COQ6: variants seen among roughly 807,000 people sequenced by gnomAD.
COQ6 encodes coenzyme Q6, monooxygenase, also known as ubiquinone biosynthesis monooxygenase COQ6, mitochondrial.
COQ6 carries 45 observed loss-of-function variants against 55.5 expected under a neutral mutation model. The ratio of observed to expected loss-of-function variants is 0.81; its 90% confidence interval spans 0.64 to 1.04. COQ6 has a LOEUF of 1.04. Ranked by LOEUF, COQ6 falls within the 50% of genes least tolerant of loss-of-function variation. The pLI is 0.00. For missense variants in COQ6, 550 were observed against 601.3 expected, an observed-to-expected ratio of 0.91 and a Z score of 0.89; for synonymous variants, 206 against 230.5, an observed-to-expected ratio of 0.89 and a Z score of 0.96.
Position 73,950,566 on chromosome 14 carries a change from C to G in COQ6, c.163+71C>G, listed in dbSNP as rs150409149. ...AGGCACGATGAGAGCCGTGAGAGCC[C>G]TAGCACGACTTGCCCAAAGACAATT... On this transcript the variant is annotated intron_variant, in intron 1 of 11. Transcript: ENST00000334571. 537 of 1,523,318 alleles carry G rather than the reference C, an allele frequency of 3.5e-4. 1 individual carries two copies. The African/African-American group carries it at 4.0e-3, about 11-fold the overall frequency. 94.4% of individuals were successfully genotyped at this position (1,523,318 alleles called of 1,614,324 possible).
intron 1 of COQ6, among the ~76,000 whole-genome samples, chr14:73,951,405 G>A (rs552077891): frequency 4.0e-5 from 6 of 149,626 alleles, no homozygotes; most frequent in South Asian, 2.1e-4. Flanking sequence ...ATGGAGTTTC[G>A]CTCTTGTTGC....
Position 73,961,445 on chromosome 14 carries a change from T to G in COQ6, c.1095-10T>G. The G allele has an allele frequency of 6.2e-7, 1 of 1,614,148 alleles. No homozygotes were observed. The highest frequency in any genetic ancestry group is 8.5e-7 in the Non-Finnish European group (1 of 1,179,992). ...CCAGAGGTCACACCTGAACTCTGCT[T>G]TATTCTTAGGGATGCAGCCCACAGA... is the stretch of plus-strand genomic sequence containing the variant. On this transcript the variant is annotated splice_polypyrimidine_tract_variant and intron_variant, in intron 9 of 11. Transcript: ENST00000334571.
rs768746790 is a variant in COQ6, at chr14:73,956,091, A to G, written c.481+163A>G. ...TGTAATCCCAGCACTTTTGGAGGCT[A>G]AGGCGGGCGGATCACGAGGTCAGGA... On this transcript the variant is annotated intron_variant, in intron 4 of 11. Coordinates refer to ENST00000334571, the MANE Select transcript of COQ6 (RefSeq NM_182476.3). 1.1e-4 allele frequency: 99 copies of G among 919,810 alleles called. 1 individual carries two copies. Among genetic ancestry groups the G allele is most frequent in the South Asian group, 3.1e-4 (23 of 73,570 alleles). The allele number at this position is 919,810 out of a possible 1,614,324, so 57.0% of individuals were successfully genotyped here.
intron 1 of COQ6, among the ~76,000 whole-genome samples, chr14:73,952,168 G>T (rs1457692579): frequency 3.7e-5 from 5 of 133,762 alleles, no homozygotes; most frequent in Admixed American, 8.3e-5. Context: ...TGTCACCCAG[G>T]CTGGAGTGCA....
intron 7 of COQ6, 87 bp downstream of exon 7, chr14:73,959,311 A>G (rs759004340): frequency 4.3e-6 from 7 of 1,614,066 alleles, no homozygotes; most frequent in East Asian, 4.5e-5. Context: ...TTTCAAGGGA[A>G]TCTGCCCAGG....
chr14:73,955,368 C>T (rs1428451970), intron 2 of COQ6, 83 bp from the exon 3 acceptor site: 27 of 1,000,048 alleles, frequency 2.7e-5, no homozygotes, highest in Non-Finnish European at 4.2e-5. Context: ...TGAAAACAAC[C>T]TCTTACGTAA....
At chr14:73,961,664 T>C in intron 10 of COQ6, 73 bp from the exon 11 acceptor site, 2 of 1,605,926 alleles carry the variant, frequency 1.2e-6, no homozygotes, top group South Asian at 2.2e-5. Flanking sequence ...ACATAAAATA[T>C]ATCTGGCTTG....
intron 11 of COQ6, chr14:73,962,748 T>C: frequency 1.8e-6 from 1 of 561,854 alleles, no homozygotes; most frequent in Middle Eastern, 4.8e-4. Context: ...GCCTAGGAGT[T>C]TGAGGCTGCA....
chr14:73,953,943 G>A (rs939980585), intron 2 of COQ6: 22 of 324,678 alleles, frequency 6.8e-5, no homozygotes, highest in South Asian at 3.1e-4. Flanking sequence ...GAGCTTACAC[G>A]TGAAATTCCC....
rs2140432953 is a variant in COQ6, at chr14:73,963,269, A to G, written c.*270A>G. 1 of 558,628 alleles carries G rather than the reference A, an allele frequency of 1.8e-6. No homozygotes were observed. Among genetic ancestry groups the G allele is most frequent in the Admixed American group, 3.4e-5 (1 of 29,042 alleles). 34.6% of individuals were successfully genotyped at this position (558,628 alleles called of 1,614,324 possible). Reference sequence around the variant, plus strand: ...GCTTTTTATTACTAAAAAACCCACAAGGTGCTGTCTCACTCATTTCCAGTT... The same window carrying G: ...GCTTTTTATTACTAAAAAACCCACAGGGTGCTGTCTCACTCATTTCCAGTT... On this transcript the variant is annotated 3_prime_UTR_variant, in exon 12 of 12. Coordinates refer to ENST00000334571, the MANE Select transcript of COQ6 (RefSeq NM_182476.3).
chr14:73,958,508 C>T, intron 5 of COQ6: 1 of 1,361,140 alleles, frequency 7.3e-7, no homozygotes, highest in Non-Finnish European at 9.5e-7. Context: ...ATAGCTGGGC[C>T]TCACAGGACA....
At position 73,955,856 on chromosome 14, in the gene COQ6, G is replaced by C. The variant is rs1346501800; in HGVS notation, c.409G>C (p.Asp137His). Residue 137 changes from aspartate (D) to histidine (H), a missense_variant, in exon 4 of 12, where the codon GAT (aspartate) becomes CAT (histidine). Coordinates refer to ENST00000334571, the MANE Select transcript of COQ6 (RefSeq NM_182476.3). ...ALIMFDKDNL[D>H]DMGYIVENDV... The stretch of plus-strand genomic sequence containing the variant: ...GATAATGTTTGATAAGGATAATTTA[G>C]ATGACATGGGCTATATCGTGGAGAA... 2 of 1,614,008 alleles carry C rather than the reference G, an allele frequency of 1.2e-6. No homozygotes were observed. The highest frequency in any genetic ancestry group is 1.3e-5 in the African/African-American group (1 of 74,912).
intron 8 of COQ6, 80 bp downstream of exon 8, chr14:73,959,602 A>T (rs955478182): frequency 1.1e-5 from 18 of 1,603,514 alleles, no homozygotes; most frequent in Non-Finnish European, 1.4e-5. Context: ...TTTGAAACGG[A>T]TCCTTGCCAG....
chr14:73,961,297 A>T lies in COQ6; in HGVS notation c.1016A>T (p.Asp339Val), dbSNP rs2074930. Residue 339 changes from aspartate to valine, a missense_variant, in exon 9 of 12, where the codon GAT becomes GTT. By Grantham distance (152) the Asp-to-Val change is radical. Coordinates refer to ENST00000334571, the MANE Select transcript of COQ6 (RefSeq NM_182476.3). ...CTGCCCCCAAGCGTAGCCAGGGTGG[A>T]TGCCAAAAGCCGAGTTCTGTTTCCT... ...RQLPPSVARV[D>V]AKSRVLFPLG... 0.06 allele frequency: 96,666 copies of T among 1,614,026 alleles called. 5,430 individuals carry two copies. The highest frequency in any genetic ancestry group is 0.32 in the East Asian group (14,293 of 44,848).
At chr14:73,962,561 GA>G (rs141459361) in intron 11 of COQ6, 466 of 173,114 alleles carry the variant, frequency 2.7e-3, no homozygotes, top group East Asian at 6.7e-3. Context: ...CCAGTCTCTT[GA>G]AAAAAAAAAA....
chr14:73,954,955 T>A (rs1432402826), intron 2 of COQ6, among the ~76,000 whole-genome samples: 111 of 31,232 alleles, frequency 3.6e-3, no homozygotes, highest in African/African-American at 9.3e-3. Flanking sequence ...TTTTATTTTA[T>A]TTTTTTTTTT....
rs1338883519 is a variant in COQ6, at chr14:73,961,296, G to A, written c.1015G>A (p.Asp339Asn). The change falls in exon 9 of 12, where the codon GAT becomes AAT. Residue 339 changes from aspartate (D) to asparagine (N), a missense_variant. Transcript: ENST00000334571. ...RQLPPSVARVDAKSRVLFPLG... is the reference protein window; with the variant it reads ...RQLPPSVARVNAKSRVLFPLG... ...GCTGCCCCCAAGCGTAGCCAGGGTG[G>A]ATGCCAAAAGCCGAGTTCTGTTTCC... is the stretch of plus-strand genomic sequence containing the variant. 5 of 1,614,198 alleles carry A rather than the reference G, an allele frequency of 3.1e-6. No homozygotes were observed. The highest frequency in any genetic ancestry group is 4.2e-6 in the Non-Finnish European group (5 of 1,180,040).
At chr14:73,958,089 TCCTCAG>T in intron 4 of COQ6, 52 bp from the exon 5 acceptor site, 1 of 1,412,890 alleles carries the variant, frequency 7.1e-7, no homozygotes, top group Non-Finnish European at 1.0e-6. Context: ...TATGGCTTTT[TCCTCAG>T]CCTATGTGGC....
rs1315897819 is a variant in COQ6, at chr14:73,963,198, C to G, written c.*199C>G. 2 of 613,842 alleles carry G rather than the reference C, an allele frequency of 3.3e-6. No homozygotes were observed. Among genetic ancestry groups the G allele is most frequent in the Admixed American group, 6.3e-5 (2 of 31,572 alleles). 38.0% of individuals were successfully genotyped at this position (613,842 alleles called of 1,614,324 possible). A position where few individuals can be genotyped will look rare whatever the true frequency, so the allele number is the denominator to read the frequency against. ...TGTGAGGAGCGTATATTAGCCAGAC[C>G]AAAGGAAAAAACTTCGAAGGAAGAC... On this transcript the variant is annotated 3_prime_UTR_variant, in exon 12 of 12. Transcript: ENST00000334571.
Sources: gnomAD v4.1 joint callset for allele counts (sites outside exome capture counted in the v4.1 genomes callset) on GRCh38, gnomAD v4.1.1 for gene constraint, MANE v1.5 for transcripts, NCBI Gene and HGNC (gene_info 2026-07-23, HGNC 2026-07-21) for gene names.